PRKCD: variants seen among roughly 807,000 people sequenced by gnomAD.
PRKCD encodes the protein protein kinase C delta type.
In PRKCD, 20 loss-of-function variants were observed where a neutral mutation model predicts 82.2. That is an observed-to-expected ratio of 0.24 (90% CI 0.17 to 0.35). PRKCD has a LOEUF of 0.35. PRKCD is among the 10% of genes least tolerant of loss of function. PRKCD has a pLI of 1.00. For missense variants in PRKCD, 607 were observed against 899.0 expected, an observed-to-expected ratio of 0.68 and a Z score of 4.15; for synonymous variants, 317 against 337.0, an observed-to-expected ratio of 0.94 and a Z score of 0.65.
intron 7 of PRKCD, among the ~76,000 whole-genome samples, chr3:53,182,515 C>T (rs2107265778): frequency 6.6e-6 from 1 of 152,270 alleles, no homozygotes; most frequent in South Asian, 2.1e-4. Context: ...GTGACTCACC[C>T]ACCTCAGCCT....
At chr3:53,164,409 C>G (rs1702768657) in intron 1 of PRKCD, among the ~76,000 whole-genome samples, 1 of 152,080 alleles carries the variant, frequency 6.6e-6, no homozygotes, top group Non-Finnish European at 1.5e-5. Flanking sequence ...ATGGTGAAAC[C>G]CTGTCTGTAC....
At chr3:53,185,022 G>A in intron 10 of PRKCD, 48 bp downstream of exon 10, 3 of 1,539,182 alleles carry the variant, frequency 1.9e-6, no homozygotes, top group Non-Finnish European at 2.7e-6. Context: ...TGGGGTCAGG[G>A]ACAGTCAAGG....
chr3:53,190,765 C>A (rs1485964134), intron 18 of PRKCD, among the ~76,000 whole-genome samples: 2 of 152,236 alleles, frequency 1.3e-5, no homozygotes, highest in African/African-American at 4.8e-5. Context: ...ACAGTTCCCA[C>A]TGGGCAGCCT....
intron 4 of PRKCD, among the ~76,000 whole-genome samples, chr3:53,180,368 G>A (rs899337497): frequency 6.6e-6 from 1 of 152,208 alleles, no homozygotes; most frequent in Non-Finnish European, 1.5e-5. Flanking sequence ...TGGGAGAAGG[G>A]GAGGCTGACG....
chr3:53,163,453 G>A (rs1702740205), intron 1 of PRKCD, among the ~76,000 whole-genome samples: 1 of 151,938 alleles, frequency 6.6e-6, no homozygotes, highest in Non-Finnish European at 1.5e-5. Flanking sequence ...CAAGTCTTGG[G>A]GTTTGTAGTG....
intron 13 of PRKCD, 46 bp from the exon 14 acceptor site, chr3:53,186,558 C>T: frequency 6.5e-7 from 1 of 1,535,860 alleles, no homozygotes; most frequent in Non-Finnish European, 8.9e-7. Context: ...AGTGAGGGAG[C>T]CTCCTGCCTA....
intron 2 of PRKCD, among the ~76,000 whole-genome samples, chr3:53,167,907 G>A (rs1288096501): frequency 6.6e-6 from 1 of 152,214 alleles, no homozygotes; most frequent in Non-Finnish European, 1.5e-5. Context: ...TCCGAGGAGA[G>A]GAGCTCCTGT....
intron 2 of PRKCD, among the ~76,000 whole-genome samples, chr3:53,175,280 T>G (rs1043923421): frequency 6.6e-6 from 1 of 152,132 alleles, no homozygotes; most frequent in African/African-American, 2.4e-5. Flanking sequence ...GCGGAATGGA[T>G]GCGGTGGGGG....
intron 1 of PRKCD, among the ~76,000 whole-genome samples, chr3:53,162,142 T>G: frequency 1.3e-5 from 2 of 149,336 alleles, no homozygotes; most frequent in Non-Finnish European, 1.5e-5. Context: ...ACCATCCCCC[T>G]TCCCACCCCA....
chr3:53,187,384 G>GC lies in PRKCD; in HGVS notation c.1398dup (p.Lys467GlnfsTer47), dbSNP rs1703745329. 6.2e-7 allele frequency: 1 copy of GC among 1,614,054 alleles called. No individual in the cohort carries two copies. The highest frequency in any genetic ancestry group is 1.3e-5 in the African/African-American group (1 of 74,920). ...ATGTGTGGACTGCAGTTTCTACACA[G>GC]CAAGGGCATCATTTACAGGTGCGGG... is the stretch of plus-strand genomic sequence containing the variant. On this transcript the variant is annotated frameshift_variant, in exon 15 of 19. Transcript: ENST00000330452. LOFTEE classifies it high-confidence loss of function.
rs1553669089 is a variant in PRKCD at position 53,186,352 on chromosome 3, T to C, written c.1260+12T>C. 6.2e-7 allele frequency: 1 copy of C among 1,613,638 alleles called. No homozygotes were observed. The highest frequency in any genetic ancestry group is 8.5e-7 in the Non-Finnish European group (1 of 1,179,786). Reference sequence around the variant, plus strand: ...CCTTCCAGACCAAGGTGCCCGGGCCTCCTGCCGTCACCACCCCATGCCACA... The same window carrying C: ...CCTTCCAGACCAAGGTGCCCGGGCCCCCTGCCGTCACCACCCCATGCCACA... On this transcript the variant is annotated intron_variant, in intron 13 of 18. Coordinates refer to ENST00000330452, the MANE Select transcript of PRKCD (RefSeq NM_006254.4).
Position 53,192,079 on chromosome 3 carries a change from G to C in PRKCD, c.1873-29G>C, listed in dbSNP as rs1189561634. On this transcript the variant is annotated intron_variant, in intron 18 of 18. Coordinates refer to ENST00000330452, the MANE Select transcript of PRKCD (RefSeq NM_006254.4). ...TCTGGAGGGCCATTCCCTAGGTCCT[G>C]TTCGCTCACCCCTGCCCTCTGCTTG... 5 of 1,613,182 alleles carry C rather than the reference G, an allele frequency of 3.1e-6. No individual in the cohort carries two copies. The African/African-American group carries it at 6.7e-5, about 22-fold the overall frequency.
chr3:53,170,895 G>C (rs1553664776), intron 2 of PRKCD, among the ~76,000 whole-genome samples: 1 of 152,160 alleles, frequency 6.6e-6, no homozygotes, highest in African/African-American at 2.4e-5. Flanking sequence ...GTGGGCCCGG[G>C]TATCTGTTGA....
intron 2 of PRKCD, among the ~76,000 whole-genome samples, chr3:53,166,472 G>T (rs536920098): frequency 3.0e-4 from 45 of 152,318 alleles, no homozygotes; most frequent in Admixed American, 1.1e-3. Flanking sequence ...GGCAAGCTAG[G>T]CTGCAGTGGG....
chr3:53,168,211 G>A (rs1188926317), intron 2 of PRKCD, among the ~76,000 whole-genome samples: 2 of 152,216 alleles, frequency 1.3e-5, no homozygotes, highest in African/African-American at 2.4e-5. Context: ...CAGGGAGTGG[G>A]CATCTGGGAC....
rs782800469 is a variant in PRKCD at position 53,183,471 on chromosome 3, A to G, written c.677A>G (p.Asn226Ser). 5 of 1,614,184 alleles carry G rather than the reference A, an allele frequency of 3.1e-6. No homozygotes were observed. Among genetic ancestry groups the G allele is most frequent in the Admixed American group, 3.3e-5 (2 of 60,026 alleles). The change falls in exon 9 of 19, where the codon AAC (asparagine) becomes AGC (serine). Residue 226 changes from asparagine (N) to serine (S), a missense_variant. By Grantham distance (46) the Asn-to-Ser change is conservative. Around this residue, in one of 5 missense-constraint regions of PRKCD, gnomAD observed 109 missense variants for 155.6 expected, o/e 0.70. Coordinates refer to ENST00000330452, the MANE Select transcript of PRKCD (RefSeq NM_006254.4). ...RDTIFQKERF[N>S]IDMPHRFKVH... ...CTCCAGTTCCAGAAAGAACGCTTCA[A>G]CATCGACATGCCGCACCGCTTCAAG... is the stretch of plus-strand genomic sequence containing the variant.
intron 2 of PRKCD, among the ~76,000 whole-genome samples, chr3:53,170,333 A>G (rs1702975465): frequency 1.3e-5 from 2 of 152,182 alleles, no homozygotes; most frequent in South Asian, 4.1e-4. Flanking sequence ...CTTTGGTTGA[A>G]TTGCTCAACC....
At chr3:53,181,865 C>A in intron 7 of PRKCD, 133 bp downstream of exon 7, 2 of 1,307,440 alleles carry the variant, frequency 1.5e-6, no homozygotes, top group Non-Finnish European at 2.2e-6. Context: ...GTAGATACAG[C>A]AGCTGAGTTC....
intron 2 of PRKCD, among the ~76,000 whole-genome samples, chr3:53,172,474 C>T (rs73091425): frequency 0.12 from 18,096 of 152,232 alleles, 1,335 homozygotes; most frequent in Non-Finnish European, 0.17. Flanking sequence ...TGGTCTCCTC[C>T]GCCCTCCTTT....
Sources: allele counts gnomAD v4.1 joint callset (sites outside exome capture counted in the v4.1 genomes callset), GRCh38; gene constraint gnomAD v4.1.1; regional missense constraint gnomAD v4.1.1; transcripts MANE v1.5; gene names NCBI Gene and HGNC (gene_info 2026-07-23, HGNC 2026-07-21).